Variants in RSRC1 observed in about 807,000 individuals in gnomAD.
RSRC1 encodes the protein arginine and serine rich coiled-coil 1.
RSRC1 carries 39 observed loss-of-function variants against 49.1 expected under a neutral mutation model. The ratio of observed to expected loss-of-function variants is 0.79; its 90% CI spans 0.61 to 1.04. The LOEUF (loss-of-function observed/expected upper bound fraction) is 1.04, where lower values mean the gene tolerates loss of function less well. Among genes scored for constraint, RSRC1 ranks in the 50% least tolerant of loss-of-function variants. RSRC1 has a pLI of 0.00. For synonymous variants in RSRC1, 143 were observed against 130.8 expected (o/e 1.09, Z -0.63); for missense variants, 388 against 402.4 (o/e 0.96, Z 0.31).
intron 6 of RSRC1, among the ~76,000 whole-genome samples, chr3:158,388,605 G>GTTT (rs1225891559): frequency 6.7e-4 from 67 of 99,332 alleles, no homozygotes; most frequent in African/African-American, 2.6e-3. Flanking sequence ...AATTAGCCGT[G>GTTT]TTTTTTGTTT....
At chr3:158,358,589 T>A (rs1731287189) in intron 6 of RSRC1, among the ~76,000 whole-genome samples, 1 of 152,196 alleles carries the variant, frequency 6.6e-6, no homozygotes, top group Non-Finnish European at 1.5e-5. Flanking sequence ...TTTTTTCTAG[T>A]TCATTGAGGT....
At chr3:158,408,394 A>G (rs1734263197) in intron 6 of RSRC1, among the ~76,000 whole-genome samples, 1 of 152,202 alleles carries the variant, frequency 6.6e-6, no homozygotes, top group African/African-American at 2.4e-5. Context: ...GTAACAGGCC[A>G]TCTAGCCATA....
intron 6 of RSRC1, among the ~76,000 whole-genome samples, chr3:158,457,086 A>G (rs879636907): frequency 2.0e-5 from 3 of 152,190 alleles, no homozygotes; most frequent in Non-Finnish European, 2.9e-5. Flanking sequence ...CTAAGGATAC[A>G]CAACACTAAA....
intron 3 of RSRC1, among the ~76,000 whole-genome samples, chr3:158,145,038 G>T (rs1311018133): frequency 6.6e-6 from 1 of 152,132 alleles, no homozygotes; most frequent in African/African-American, 2.4e-5. Flanking sequence ...TTAGCCCTTT[G>T]TCAGATGAGT....
At chr3:158,394,909 G>T (rs1259126170) in intron 6 of RSRC1, among the ~76,000 whole-genome samples, 1 of 152,076 alleles carries the variant, frequency 6.6e-6, no homozygotes, top group East Asian at 1.9e-4. Context: ...AACAAAGCTG[G>T]AGTCTTCACA....
intron 4 of RSRC1, among the ~76,000 whole-genome samples, chr3:158,213,654 A>G (rs1263804304): frequency 6.6e-6 from 1 of 151,890 alleles, no homozygotes; most frequent in African/African-American, 2.4e-5. Context: ...GCCCCTGTGG[A>G]TATGCCAGCC....
At position 158,155,089 on chromosome 3, in the gene RSRC1, C is replaced by T. The variant is rs577249070; in HGVS notation, c.320+31098C>T. Among the ~76,000 whole-genome samples the T allele has an allele frequency of 2.0e-5, 3 of 152,298 alleles. No individual in the cohort carries two copies. The East Asian group carries it at 5.8e-4, about 29-fold the overall frequency. On this transcript the variant is annotated intron_variant, in intron 3 of 9. Coordinates refer to ENST00000611884, the MANE Select transcript of RSRC1 (RefSeq NM_001271838.2). ...TGAAGTCTTCTTCCTCACAGTCACA[C>T]ATAAGGGTCTTGGAGTCAACTTCTT...
At chr3:158,334,567 G>T (rs1340760007) in intron 5 of RSRC1, among the ~76,000 whole-genome samples, 1 of 150,408 alleles carries the variant, frequency 6.6e-6, no homozygotes, top group African/African-American at 2.5e-5. Flanking sequence ...TGCAACCTCC[G>T]ACTCCCTGGT....
At position 158,124,219 on chromosome 3, in the gene RSRC1, A is replaced by G. The variant is rs990423423; in HGVS notation, c.320+228A>G. Among the ~76,000 whole-genome samples the G allele has an allele frequency of 4.6e-5, 7 of 152,096 alleles. No individual in the cohort carries two copies. The East Asian group carries it at 9.6e-4, about 21-fold the overall frequency. ...ATATATCTTGCATTTGGTTCTGGCTATTGGCCGGGGTGTACGTGGCTTCTC... is the reference window on the plus strand; with the variant it reads ...ATATATCTTGCATTTGGTTCTGGCTGTTGGCCGGGGTGTACGTGGCTTCTC... On this transcript the variant is annotated intron_variant, in intron 3 of 9. Coordinates refer to ENST00000611884, the MANE Select transcript of RSRC1 (RefSeq NM_001271838.2).
At chr3:158,399,543 G>A (rs899969355) in intron 6 of RSRC1, among the ~76,000 whole-genome samples, 1 of 152,044 alleles carries the variant, frequency 6.6e-6, no homozygotes, top group Non-Finnish European at 1.5e-5. Flanking sequence ...GGCCAGAGCT[G>A]GTGTTAGCAA....
At chr3:158,243,698 G>A (rs1480541757) in intron 4 of RSRC1, among the ~76,000 whole-genome samples, 2 of 152,078 alleles carry the variant, frequency 1.3e-5, no homozygotes, top group Non-Finnish European at 2.9e-5. Flanking sequence ...CCATTTGTTT[G>A]TGTCATGTCT....
At chr3:158,506,283 A>T (rs1739857047) in intron 7 of RSRC1, among the ~76,000 whole-genome samples, 1 of 152,198 alleles carries the variant, frequency 6.6e-6, no homozygotes, top group South Asian at 2.1e-4. Context: ...TAATTCCATT[A>T]AAAATCAGCT....
At chr3:158,402,558 T>TTTTC (rs1485798062) in intron 6 of RSRC1, among the ~76,000 whole-genome samples, 1 of 151,802 alleles carries the variant, frequency 6.6e-6, no homozygotes, top group African/African-American at 2.4e-5. Flanking sequence ...TAGTAGAATA[T>TTTTC]TTTCTATGTA....
At chr3:158,435,033 C>A (rs1332278693) in intron 6 of RSRC1, among the ~76,000 whole-genome samples, 1 of 151,794 alleles carries the variant, frequency 6.6e-6, no homozygotes, top group East Asian at 1.9e-4. Flanking sequence ...ATGAGGTTTT[C>A]TTTTATCATA....
chr3:158,263,705 T>G (rs1725019539), intron 4 of RSRC1, among the ~76,000 whole-genome samples: 1 of 152,156 alleles, frequency 6.6e-6, no homozygotes, highest in Non-Finnish European at 1.5e-5. Flanking sequence ...TTCAGTAGAT[T>G]AGTTGCTACT....
intron 4 of RSRC1, chr3:158,225,765 T>A (rs1455222588): frequency 2.3e-6 from 1 of 427,750 alleles, no homozygotes; most frequent in Non-Finnish European, 4.6e-6. Context: ...CTTAGAAACA[T>A]TTTTACATTC....
intron 6 of RSRC1, among the ~76,000 whole-genome samples, chr3:158,396,392 GT>G (rs202186075): frequency 0.066 from 9,015 of 135,860 alleles, 803 homozygotes; most frequent in African/African-American, 0.22. Flanking sequence ...GATGGGCAAT[GT>G]TTTTTTTTTT....
chr3:158,514,772 C>G lies in RSRC1; in HGVS notation c.653-22320C>G, dbSNP rs1043579441. Among the ~76,000 whole-genome samples the G allele has an allele frequency of 5.9e-5, 9 of 152,114 alleles. No individual in the cohort carries two copies. The East Asian group carries it at 9.6e-4, about 16-fold the overall frequency. ...AGTCTAAGTCTCTTTGTAGGTCACT[C>G]AGGACTTGCTTTATGAATCTGGGTG... is the stretch of plus-strand genomic sequence containing the variant. On this transcript the variant is annotated intron_variant, in intron 7 of 9. Coordinates refer to ENST00000611884, the MANE Select transcript of RSRC1 (RefSeq NM_001271838.2).
chr3:158,351,241 AC>A (rs1157653289), intron 5 of RSRC1, among the ~76,000 whole-genome samples: 2 of 152,176 alleles, frequency 1.3e-5, no homozygotes, highest in Non-Finnish European at 2.9e-5. Context: ...GGGAGCCCTT[AC>A]GAAAGATTTG....
Sources: allele counts gnomAD v4.1 joint callset (sites outside exome capture counted in the v4.1 genomes callset), GRCh38; gene constraint gnomAD v4.1.1; transcripts MANE v1.5; gene names NCBI Gene and HGNC (gene_info 2026-07-23, HGNC 2026-07-21).